CCDC183: variants seen among roughly 807,000 people sequenced by gnomAD.
The protein encoded by CCDC183 is coiled-coil domain containing 183, also known as coiled-coil domain-containing protein 183.
CCDC183 carries 63 observed loss-of-function variants against 65.2 expected under a neutral mutation model. That is an observed-to-expected ratio of 0.97 (90% CI 0.79 to 1.19). The LOEUF (loss-of-function observed/expected upper bound fraction) is 1.19, where lower values mean the gene tolerates loss of function less well. Among genes scored for constraint, CCDC183 ranks in the 50% most tolerant of loss-of-function variants. The pLI, the probability that CCDC183 is intolerant of heterozygous loss-of-function variation, is 0.00. For synonymous variants in CCDC183, 323 were observed against 276.5 expected, an observed-to-expected ratio of 1.17 and a Z score of -1.67; for missense variants, 769 against 689.3, an observed-to-expected ratio of 1.12 and a Z score of -1.30.
chr9:136,807,554 C>A lies in CCDC183; in HGVS notation c.1487-18C>A. 1.9e-6 allele frequency: 3 copies of A among 1,583,622 alleles called. No individual in the cohort carries two copies. Among genetic ancestry groups the A allele is most frequent in the South Asian group, 1.1e-5 (1 of 87,514 alleles). ...AGCTGGGCTAGCCCCGTGTGCGAGCCGCCGCCTCCGCCCGCAGACACCTTC... is the reference window on the plus strand; with the variant it reads ...AGCTGGGCTAGCCCCGTGTGCGAGCAGCCGCCTCCGCCCGCAGACACCTTC... On this transcript the variant is annotated intron_variant, in intron 13 of 13. Coordinates refer to ENST00000338005, the MANE Select transcript of CCDC183 (RefSeq NM_001039374.5).
chr9:136,799,817 C>A, intron 3 of CCDC183, 27 bp downstream of exon 3: 1 of 1,587,830 alleles, frequency 6.3e-7, no homozygotes, highest in East Asian at 2.3e-5. Context: ...GGCCTCGAGA[C>A]CCAACCCTCC....
chr9:136,800,213 C>T, intron 4 of CCDC183, 44 bp downstream of exon 4: 1 of 383,146 alleles, frequency 2.6e-6, no homozygotes, highest in Non-Finnish European at 4.4e-6. Flanking sequence ...TCCACTGGGG[C>T]AAGACTCACG....
chr9:136,806,437 C>A, intron 10 of CCDC183, 67 bp from the exon 11 acceptor site: 2 of 1,594,548 alleles, frequency 1.3e-6, no homozygotes, highest in Non-Finnish European at 1.7e-6. Flanking sequence ...GGACTGGGCT[C>A]CTGGGTGGCC....
Position 136,804,510 on chromosome 9 carries a change from G to A in CCDC183, c.675G>A (p.Met225Ile). The A allele has an allele frequency of 6.2e-7, 1 of 1,612,712 alleles. No homozygotes were observed. Among genetic ancestry groups the A allele is most frequent in the Non-Finnish European group, 8.5e-7 (1 of 1,179,822 alleles). The part of the protein sequence containing the change: ...MMITDEVKRN[M>I]RQREASFIEE... ...CACCCGCATGTCCCCAGAGGAACATGAGGCAAAGGGAGGCGTCCTTCATCG... is the reference window on the plus strand; with the variant it reads ...CACCCGCATGTCCCCAGAGGAACATAAGGCAAAGGGAGGCGTCCTTCATCG... The change falls in exon 7 of 14, where the codon ATG becomes ATA. Residue 225 changes from methionine to isoleucine, a missense_variant. Met to Ile is a conservative substitution (Grantham distance 10, BLOSUM62 1). Transcript: ENST00000338005. This position sits in a 1 kb window ranked among gnomAD's most constrained non-coding sequence, Gnocchi z 4.1.
intron 5 of CCDC183, among the ~76,000 whole-genome samples, chr9:136,801,384 T>G (rs944820836): frequency 6.6e-6 from 1 of 151,798 alleles, no homozygotes; most frequent in Non-Finnish European, 1.5e-5. Context: ...AGCGCCTTCT[T>G]CTGTTTAGAA....
intron 2 of CCDC183, 145 bp from the exon 3 acceptor site, chr9:136,799,568 C>A: frequency 1.3e-6 from 1 of 757,192 alleles, no homozygotes; most frequent in Non-Finnish European, 2.2e-6. Context: ...GATGGGGTCC[C>A]GCGGCTCTCT....
chr9:136,807,096 G>A (rs1247926077), intron 13 of CCDC183, 30 bp downstream of exon 13: 2 of 1,606,614 alleles, frequency 1.2e-6, no homozygotes, highest in East Asian at 2.2e-5. Context: ...GGCCCGGGCT[G>A]CAGGCGGGTG....
chr9:136,805,096 GAA>G (rs1847818582), intron 8 of CCDC183: 1 of 592,814 alleles, frequency 1.7e-6, no homozygotes, highest in East Asian at 2.8e-5. Context: ...CTGCCTCTGA[GAA>G]GCACCACCGG....
chr9:136,804,510 G>C lies in CCDC183; in HGVS notation c.675G>C (p.Met225Ile). ...CACCCGCATGTCCCCAGAGGAACAT[G>C]AGGCAAAGGGAGGCGTCCTTCATCG... ...MMITDEVKRNMRQREASFIEE... is the reference protein window; with the variant it reads ...MMITDEVKRNIRQREASFIEE... Residue 225 changes from methionine to isoleucine, a missense_variant, in exon 7 of 14, where the codon ATG becomes ATC. Coordinates refer to ENST00000338005, the MANE Select transcript of CCDC183 (RefSeq NM_001039374.5). This position sits in a 1 kb window ranked among gnomAD's most constrained non-coding sequence, Gnocchi z 4.1. 1 of 1,612,712 alleles carries C rather than the reference G, an allele frequency of 6.2e-7. No individual in the cohort carries two copies. The highest frequency in any genetic ancestry group is 2.2e-5 in the East Asian group (1 of 44,874).
intron 8 of CCDC183, 140 bp from the exon 9 acceptor site, chr9:136,805,217 G>C (rs1474707510): frequency 7.4e-6 from 5 of 676,546 alleles, no homozygotes; most frequent in African/African-American, 7.2e-5. Context: ...GGTTGGGGCG[G>C]GGGCAGGCAT....
At position 136,804,782 on chromosome 9, in the gene CCDC183, C is replaced by T. The variant is rs202046982; in HGVS notation, c.813C>T (p.Phe271=). 4 of 1,613,740 alleles carry T rather than the reference C, an allele frequency of 2.5e-6. No homozygotes were observed. In the African/African-American group the frequency reaches 4.0e-5, roughly 16 times the overall value. The change falls in exon 8 of 14, where the codon TTC becomes TTT. Residue 271 remains phenylalanine, a synonymous_variant. Coordinates refer to ENST00000338005, the MANE Select transcript of CCDC183 (RefSeq NM_001039374.5). The surrounding 1 kb of genome is among the most constrained non-coding windows in gnomAD (Gnocchi z 4.1). ...KYRRGQMDLD[F]PSNLMSTETL... ...ATCAGGGCCAGATGGACTTGGACTT[C>T]CCCTCGAACCTGATGAGCACGGAGA...
At chr9:136,800,782 CTG>C (rs1847726945) in intron 5 of CCDC183, 2 of 376,434 alleles carry the variant, frequency 5.3e-6, no homozygotes, top group East Asian at 6.5e-5. Context: ...GCCTGGGCCT[CTG>C]AGAGTCAGAC....
In CCDC183 at chr9:136,806,643, C is replaced by G; in HGVS notation, c.1249C>G (p.Leu417Val). The part of the protein sequence containing the change: ...QMGIDNLYVR[L>V]MGINLPATQR... The stretch of plus-strand genomic sequence containing the variant: ...GGGCATCGACAACCTCTATGTCCGG[C>G]TGATGGGCATTAACTTGCCTGCGAC... Residue 417 changes from leucine (L) to valine (V), a missense_variant, in exon 11 of 14, where the codon CTG becomes GTG. Coordinates refer to ENST00000338005, the MANE Select transcript of CCDC183 (RefSeq NM_001039374.5). 1 of 1,613,714 alleles carries G rather than the reference C, an allele frequency of 6.2e-7. No individual in the cohort carries two copies. The highest frequency in any genetic ancestry group is 8.5e-7 in the Non-Finnish European group (1 of 1,180,024).
At chr9:136,799,960 C>T in intron 3 of CCDC183, 42 bp from the exon 4 acceptor site, 2 of 1,556,876 alleles carry the variant, frequency 1.3e-6, no homozygotes, top group Non-Finnish European at 8.7e-7. Flanking sequence ...CCATGGCGGC[C>T]CCCTACGCAA....
chr9:136,805,120 T>C, intron 8 of CCDC183: 1 of 594,718 alleles, frequency 1.7e-6, no homozygotes, highest in Non-Finnish European at 3.0e-6. Flanking sequence ...CCCACAGTGC[T>C]CACAGTGCTG....
chr9:136,802,824 CA>C lies in CCDC183; in HGVS notation c.666+39del, dbSNP rs1847759602. 1.4e-5 allele frequency: 20 copies of C among 1,404,300 alleles called. 1 individual carries two copies. The African/African-American group carries it at 3.1e-4, about 22-fold the overall frequency. 87.0% of individuals were successfully genotyped at this position (1,404,300 alleles called of 1,614,324 possible). A position where few individuals can be genotyped will look rare whatever the true frequency, so the allele number is the denominator to read the frequency against. On this transcript the variant is annotated intron_variant, in intron 6 of 13. Transcript: ENST00000338005. ...CCCAGGGCTGGGGGCCCCCCAGGGC[CA>C]GCCCTCTTGGATCTTCGGATGGGGT...
intron 1 of CCDC183, among the ~76,000 whole-genome samples, 191 bp downstream of exon 1, chr9:136,796,658 C>T (rs1176236676): frequency 6.6e-6 from 1 of 152,202 alleles, no homozygotes; most frequent in Admixed American, 6.5e-5. Context: ...GTAACTTTAG[C>T]CCCAACTCTG....
At position 136,807,731 on chromosome 9, in the gene CCDC183, T is replaced by C. The variant is rs1399835885; in HGVS notation, c.*41T>C. On this transcript the variant is annotated 3_prime_UTR_variant, in exon 14 of 14. Coordinates refer to ENST00000338005, the MANE Select transcript of CCDC183 (RefSeq NM_001039374.5). ...CCCTGCTTTGCTACACAAATAAACA[T>C]TTTTCCAGGACTGCTGCGGACGCTG... is the stretch of plus-strand genomic sequence containing the variant. The C allele has an allele frequency of 1.3e-6, 2 of 1,564,480 alleles. No individual in the cohort carries two copies. The highest frequency in any genetic ancestry group is 1.7e-6 in the Non-Finnish European group (2 of 1,154,554).
rs1294356346 is a variant in CCDC183, at chr9:136,804,719, G to A, written c.793-43G>A. On this transcript the variant is annotated intron_variant, in intron 7 of 13. Coordinates refer to ENST00000338005, the MANE Select transcript of CCDC183 (RefSeq NM_001039374.5). This position sits in a 1 kb window ranked among gnomAD's most constrained non-coding sequence, Gnocchi z 4.1. ...GGCCACCACTCAGGGCCCACTCCCT[G>A]CCAAGGATGTCTCATCCCTTCCCCG... The A allele has an allele frequency of 6.2e-7, 1 of 1,613,110 alleles. No homozygotes were observed. Among genetic ancestry groups the A allele is most frequent in the East Asian group, 2.2e-5 (1 of 44,884 alleles).
Sources: gnomAD v4.1 joint callset for allele counts (sites outside exome capture counted in the v4.1 genomes callset) on GRCh38, gnomAD v4.1.1 for gene constraint, Gnocchi (gnomAD v3.1) non-coding constraint, MANE v1.5 for transcripts, NCBI Gene and HGNC (gene_info 2026-07-23, HGNC 2026-07-21) for gene names.